The following KITLG variants were observed in gnomAD, a reference collection of about 807,000 sequenced individuals.
KITLG encodes KIT ligand.
A neutral mutation model predicts 34.1 loss-of-function variants in KITLG; 13 were observed. The ratio of observed to expected loss-of-function variants is 0.38; its 90% CI spans 0.25 to 0.61. The LOEUF (loss-of-function observed/expected upper bound fraction) is 0.61, where lower values mean the gene tolerates loss of function less well. Among genes scored for constraint, KITLG ranks in the 20% least tolerant of loss-of-function variants. The probability of loss-of-function intolerance (pLI) is 0.60; values close to 1 mark genes in which losing one functional copy is unlikely to be tolerated. For missense variants in KITLG, 292 were observed against 318.9 expected (o/e 0.92, Z 0.64); for synonymous variants, 110 against 104.0 (o/e 1.06, Z -0.35).
intron 1 of KITLG, among the ~76,000 whole-genome samples, chr12:88,555,072 T>A (rs568354509): frequency 1.3e-5 from 2 of 151,844 alleles, no homozygotes; most frequent in Non-Finnish European, 2.9e-5. Flanking sequence ...TATGCTCTTA[T>A]AACAAAAAAA....
intron 3 of KITLG, among the ~76,000 whole-genome samples, chr12:88,527,709 G>C (rs369644910): frequency 2.0e-4 from 30 of 152,322 alleles, no homozygotes; most frequent in African/African-American, 7.2e-4. Context: ...ATCTTAACCA[G>C]ATGATCAAAA....
At chr12:88,579,939 G>T (rs1871959904) in intron 1 of KITLG, 1 of 531,446 alleles carries the variant, frequency 1.9e-6, no homozygotes, top group Non-Finnish European at 3.4e-6. Context: ...GCCTTCCCGT[G>T]ATAACTTAAC....
At chr12:88,555,261 T>A (rs571838833) in intron 1 of KITLG, among the ~76,000 whole-genome samples, 1 of 152,298 alleles carries the variant, frequency 6.6e-6, no homozygotes, top group South Asian at 2.1e-4. Context: ...TGGAAATAAC[T>A]CAAAATATAT....
chr12:88,545,902 G>C, intron 1 of KITLG, 37 bp from the exon 2 acceptor site: 1 of 1,210,476 alleles, frequency 8.3e-7, no homozygotes, highest in Non-Finnish European at 1.2e-6. Context: ...GTGATCATCA[G>C]TTAAGATCTG....
chr12:88,514,589 C>T (rs1869391734), intron 6 of KITLG, among the ~76,000 whole-genome samples: 1 of 151,762 alleles, frequency 6.6e-6, no homozygotes, highest in East Asian at 1.9e-4. Flanking sequence ...ATTAATATTT[C>T]ATTAGTAAAA....
intron 1 of KITLG, among the ~76,000 whole-genome samples, chr12:88,552,201 G>GTC: frequency 1.4e-5 from 2 of 146,524 alleles, no homozygotes; most frequent in Middle Eastern, 7.0e-3. Context: ...TTTTGACAGA[G>GTC]TCTCTCTCTG....
chr12:88,524,158 C>T (rs576859854), intron 3 of KITLG, among the ~76,000 whole-genome samples: 6 of 152,284 alleles, frequency 3.9e-5, no homozygotes, highest in Admixed American at 1.3e-4. Context: ...AAATTCTAAT[C>T]GATGCTGGCC....
chr12:88,577,011 T>C (rs1043772560), intron 1 of KITLG, among the ~76,000 whole-genome samples: 1 of 152,190 alleles, frequency 6.6e-6, no homozygotes, highest in Non-Finnish European at 1.5e-5. Flanking sequence ...ATTTTCCTTG[T>C]TTTATGTTAA....
intron 3 of KITLG, among the ~76,000 whole-genome samples, chr12:88,527,113 C>A (rs1055259024): frequency 5.3e-5 from 8 of 152,074 alleles, no homozygotes; most frequent in African/African-American, 1.9e-4. Flanking sequence ...CATGATCCAC[C>A]TGTCTCAGCC....
intron 6 of KITLG, among the ~76,000 whole-genome samples, chr12:88,508,937 G>A (rs1373718417): frequency 6.6e-6 from 1 of 152,130 alleles, no homozygotes; most frequent in Non-Finnish European, 1.5e-5. Flanking sequence ...AATGGATTCA[G>A]GGTTACAAAC....
chr12:88,527,180 T>G (rs1869905429), intron 3 of KITLG, among the ~76,000 whole-genome samples: 1 of 152,076 alleles, frequency 6.6e-6, no homozygotes. Flanking sequence ...ATCACTACAG[T>G]CTTGGAGGCC....
At chr12:88,529,403 A>G (rs577873020) in intron 3 of KITLG, among the ~76,000 whole-genome samples, 11 of 152,302 alleles carry the variant, frequency 7.2e-5, no homozygotes, top group African/African-American at 2.6e-4. Context: ...AAGAGTTTAA[A>G]ATAGCATTGG....
intron 3 of KITLG, among the ~76,000 whole-genome samples, chr12:88,526,859 T>C (rs1199325494): frequency 7.1e-6 from 1 of 141,296 alleles, no homozygotes; most frequent in South Asian, 2.3e-4. Context: ...CAGATCAGTA[T>C]AGTCTTTTTT....
intron 1 of KITLG, among the ~76,000 whole-genome samples, chr12:88,574,888 A>G (rs1412305838): frequency 1.3e-5 from 2 of 152,228 alleles, no homozygotes; most frequent in Non-Finnish European, 2.9e-5. Flanking sequence ...CTAAAACAGG[A>G]AAGTGTAAAT....
chr12:88,546,062 T>C (rs1484027880), intron 1 of KITLG, 197 bp from the exon 2 acceptor site: 3 of 685,222 alleles, frequency 4.4e-6, no homozygotes, highest in Non-Finnish European at 8.1e-6. Flanking sequence ...CATTTTGAAT[T>C]ATTCTCTCAA....
In KITLG at chr12:88,545,765, T is replaced by C; in HGVS notation, c.116A>G (p.Asp39Gly). The change falls in exon 2 of 10, where the codon GAC becomes GGC. Residue 39 changes from aspartate to glycine, a missense_variant. Asp to Gly is a moderately conservative substitution (Grantham distance 94). This residue lies in a region of KITLG where 152 missense variants were observed against 207.9 expected (regional missense o/e 0.73). Coordinates refer to ENST00000644744, the MANE Select transcript of KITLG (RefSeq NM_000899.5). ...CRNRVTNNVK[D>G]VTKLVANLPK... ...TTCCTTACTTACCAATTTAGTGACG[T>C]CTTTTACATTATTAGTCACACGATT... 4 of 1,588,864 alleles carry C rather than the reference T, an allele frequency of 2.5e-6. No individual in the cohort carries two copies. Among genetic ancestry groups the C allele is most frequent in the Non-Finnish European group, 3.5e-6 (4 of 1,157,302 alleles).
chr12:88,576,953 T>C (rs1466807356), intron 1 of KITLG, among the ~76,000 whole-genome samples: 1 of 152,160 alleles, frequency 6.6e-6, no homozygotes, highest in Non-Finnish European at 1.5e-5. Context: ...AAATAAAATT[T>C]AGCAATTTTA....
intron 9 of KITLG, among the ~76,000 whole-genome samples, chr12:88,500,397 C>A (rs1868806578): frequency 6.6e-6 from 1 of 152,188 alleles, no homozygotes; most frequent in Non-Finnish European, 1.5e-5. Flanking sequence ...CAAAGTAACT[C>A]TGTAAACTTT....
intron 3 of KITLG, among the ~76,000 whole-genome samples, chr12:88,530,466 G>A (rs370850556): frequency 2.0e-4 from 30 of 152,158 alleles, no homozygotes; most frequent in African/African-American, 7.2e-4. Flanking sequence ...TTTGCAAATG[G>A]AAAAGTGTTA....
Sources: gnomAD v4.1 joint callset for allele counts (sites outside exome capture counted in the v4.1 genomes callset) on GRCh38, gnomAD v4.1.1 for gene constraint, gnomAD v4.1.1 regional missense constraint, MANE v1.5 for transcripts, NCBI Gene and HGNC (gene_info 2026-07-23, HGNC 2026-07-21) for gene names.